Variants in PARD3B observed in about 807,000 individuals in gnomAD.
The protein encoded by PARD3B is par-3 family cell polarity regulator beta.
A neutral mutation model predicts 130.2 loss-of-function variants in PARD3B; 103 were observed. That is an observed-to-expected ratio of 0.79 (90% CI 0.67 to 0.93). The LOEUF (loss-of-function observed/expected upper bound fraction) is 0.93, where lower values mean the gene tolerates loss of function less well. Ranked by LOEUF, PARD3B falls within the 40% of genes least tolerant of loss-of-function variation. PARD3B has a pLI of 0.00. For synonymous variants in PARD3B, 583 were observed against 553.2 expected, an observed-to-expected ratio of 1.05 and a Z score of -0.76; for missense variants, 1,609 against 1,499.2, an observed-to-expected ratio of 1.07 and a Z score of -1.21.
chr2:205,522,094 C>CAAATAATATATTTAATAA (rs573881403), intron 21 of PARD3B, among the ~76,000 whole-genome samples: 5,399 of 151,014 alleles, frequency 0.036, 185 homozygotes, highest in South Asian at 0.13. Context: ...TTATCTTTAC[C>CAAATAATATATTTAATAA]AAATAATATA....
At chr2:205,210,548 A>G (rs949467807) in intron 15 of PARD3B, among the ~76,000 whole-genome samples, 1 of 152,114 alleles carries the variant, frequency 6.6e-6, no homozygotes, top group African/African-American at 2.4e-5. Context: ...CTGCTAGTAC[A>G]TCAACCTTTG....
chr2:205,509,338 A>C (rs1175880519), intron 21 of PARD3B, among the ~76,000 whole-genome samples: 1 of 152,112 alleles, frequency 6.6e-6, no homozygotes, highest in African/African-American at 2.4e-5. Context: ...AGAAACAGGG[A>C]GCTATCTAAC....
chr2:205,516,132 C>G (rs1485169947), intron 21 of PARD3B, among the ~76,000 whole-genome samples: 1 of 152,132 alleles, frequency 6.6e-6, no homozygotes, highest in Non-Finnish European at 1.5e-5. Flanking sequence ...TCTGGGCTCT[C>G]TCTTCTGTTC....
chr2:204,798,405 C>G (rs1007985918), intron 2 of PARD3B, among the ~76,000 whole-genome samples: 4 of 152,152 alleles, frequency 2.6e-5, no homozygotes, highest in Admixed American at 6.5e-5. Context: ...TGCCAGCCCC[C>G]CCACAGCAGG....
intron 3 of PARD3B, among the ~76,000 whole-genome samples, chr2:205,045,708 A>G (rs1381553738): frequency 1.3e-5 from 2 of 151,934 alleles, no homozygotes; most frequent in Non-Finnish European, 1.5e-5. Context: ...TTATTACCTA[A>G]GAAAAACCAT....
At chr2:204,966,111 A>G (rs1691219025) in intron 3 of PARD3B, among the ~76,000 whole-genome samples, 1 of 152,200 alleles carries the variant, frequency 6.6e-6, no homozygotes, top group Non-Finnish European at 1.5e-5. Flanking sequence ...CCACTTTGCA[A>G]AGGTCAGCTT....
At chr2:204,991,124 G>T (rs1431286565) in intron 3 of PARD3B, among the ~76,000 whole-genome samples, 1 of 149,292 alleles carries the variant, frequency 6.7e-6, no homozygotes, top group East Asian at 2.0e-4. Context: ...TGTGCACATT[G>T]TGCAGGTTAG....
intron 19 of PARD3B, among the ~76,000 whole-genome samples, chr2:205,428,507 C>T: frequency 6.6e-6 from 1 of 152,202 alleles, no homozygotes; most frequent in East Asian, 1.9e-4. Context: ...ACCATGCTGG[C>T]ATCCTGTTAT....
At chr2:205,511,461 C>T (rs1311092446) in intron 21 of PARD3B, among the ~76,000 whole-genome samples, 1 of 152,170 alleles carries the variant, frequency 6.6e-6, no homozygotes, top group Non-Finnish European at 1.5e-5. Flanking sequence ...TAACTTCCCC[C>T]AAACCACAGC....
At chr2:204,974,789 T>C (rs1348670033) in intron 3 of PARD3B, among the ~76,000 whole-genome samples, 3 of 152,216 alleles carry the variant, frequency 2.0e-5, no homozygotes, top group East Asian at 3.9e-4. Context: ...GATACAGTTA[T>C]GAAAATCAGT....
intron 4 of PARD3B, among the ~76,000 whole-genome samples, chr2:205,076,226 A>G (rs370355633): frequency 2.0e-4 from 30 of 152,320 alleles, no homozygotes; most frequent in African/African-American, 7.2e-4. Flanking sequence ...AACTAGATTG[A>G]TGCAGCTAAG....
chr2:205,210,693 G>A (rs1000547714), intron 15 of PARD3B, among the ~76,000 whole-genome samples: 6 of 152,036 alleles, frequency 3.9e-5, no homozygotes, highest in Non-Finnish European at 8.8e-5. Flanking sequence ...CGTATCAGCA[G>A]TATATGGAAG....
At chr2:205,418,476 A>G (rs2046858370) in intron 19 of PARD3B, among the ~76,000 whole-genome samples, 1 of 152,162 alleles carries the variant, frequency 6.6e-6, no homozygotes, top group South Asian at 2.1e-4. Flanking sequence ...GCTAACTATG[A>G]TAAATGCTGA....
intron 19 of PARD3B, among the ~76,000 whole-genome samples, chr2:205,416,279 G>A (rs2046771714): frequency 6.6e-6 from 1 of 152,048 alleles, no homozygotes; most frequent in Non-Finnish European, 1.5e-5. Flanking sequence ...TATGTATATA[G>A]GCTTAATAGT....
intron 3 of PARD3B, among the ~76,000 whole-genome samples, chr2:205,027,608 C>T (rs184582546): frequency 3.1e-4 from 47 of 151,902 alleles, no homozygotes; most frequent in Admixed American, 8.5e-4. Context: ...GTTGCCTGTG[C>T]TTTTAGTGTC....
In PARD3B at chr2:205,146,876, G is replaced by T. The variant is rs182577137; in HGVS notation, c.1435-11846G>T. Among the ~76,000 whole-genome samples, 758 of 151,758 alleles carry T rather than the reference G, an allele frequency of 5.0e-3. 5 individuals are homozygous for T. Among genetic ancestry groups the T allele is most frequent in the African/African-American group, 0.017 (689 of 41,432 alleles). ...CTGAGTAGCTGGGATTATAGGACCC[G>T]GCTAATTTTTTGTATTTTTAGTAGG... On this transcript the variant is annotated intron_variant, in intron 10 of 22. Transcript: ENST00000406610. The surrounding 1 kb of genome is among the most constrained non-coding windows in gnomAD (Gnocchi z 4.3).
intron 16 of PARD3B, among the ~76,000 whole-genome samples, chr2:205,267,267 T>C (rs931105801): frequency 2.0e-5 from 3 of 149,272 alleles, no homozygotes; most frequent in Non-Finnish European, 1.5e-5. Flanking sequence ...TAAAAAACTA[T>C]TTCTTGACTT....
At chr2:204,803,052 G>C (rs559371470) in intron 2 of PARD3B, among the ~76,000 whole-genome samples, 1 of 149,146 alleles carries the variant, frequency 6.7e-6, no homozygotes, top group Non-Finnish European at 1.5e-5. Context: ...GAAAGAAAAT[G>C]CAGTTGTGCT....
intron 18 of PARD3B, among the ~76,000 whole-genome samples, chr2:205,392,791 C>A (rs2043580894): frequency 6.6e-6 from 1 of 152,138 alleles, no homozygotes; most frequent in Non-Finnish European, 1.5e-5. Flanking sequence ...AGCATTTTGC[C>A]TCCCTCTTTA....
Sources: allele counts gnomAD v4.1 joint callset (sites outside exome capture counted in the v4.1 genomes callset), GRCh38; gene constraint gnomAD v4.1.1; non-coding constraint Gnocchi (gnomAD v3.1); transcripts MANE v1.5; gene names NCBI Gene and HGNC (gene_info 2026-07-23, HGNC 2026-07-21).